The following FBN2 variants were observed in gnomAD, a reference collection of about 807,000 sequenced individuals.
FBN2 encodes fibrillin-2.
FBN2 carries 105 observed loss-of-function variants against 355.6 expected under a neutral mutation model. The ratio of observed to expected loss-of-function variants is 0.30; its 90% CI spans 0.25 to 0.35. FBN2 has a LOEUF of 0.35. FBN2 is among the 10% of genes least tolerant of loss of function. The pLI is 1.00. For synonymous variants in FBN2, 1,350 were observed against 1,301.2 expected, an observed-to-expected ratio of 1.04 and a Z score of -0.81; for missense variants, 3,280 against 3,758.7, an observed-to-expected ratio of 0.87 and a Z score of 3.33.
chr5:128,474,882 G>C (rs1754967327), intron 5 of FBN2, among the ~76,000 whole-genome samples: 1 of 152,228 alleles, frequency 6.6e-6, no homozygotes, highest in African/African-American at 2.4e-5. Flanking sequence ...GTCGTTACTT[G>C]AGAATTCTAG....
At chr5:128,459,792 C>A (rs2127077171) in intron 6 of FBN2, among the ~76,000 whole-genome samples, 1 of 152,156 alleles carries the variant, frequency 6.6e-6, no homozygotes, top group South Asian at 2.1e-4. Context: ...CTCAGTAAAC[C>A]AGGTATTGAT....
chr5:128,453,033 G>A (rs1754294438), intron 6 of FBN2, among the ~76,000 whole-genome samples: 2 of 152,070 alleles, frequency 1.3e-5, no homozygotes, highest in African/African-American at 4.8e-5. Flanking sequence ...CTAAATAATA[G>A]GTCTATTTCT....
chr5:128,496,794 A>C (rs1460168562), intron 5 of FBN2, among the ~76,000 whole-genome samples: 1 of 151,804 alleles, frequency 6.6e-6, no homozygotes, highest in African/African-American at 2.4e-5. Context: ...TTTAATATAT[A>C]ATACATGTAA....
chr5:128,444,281 C>A (rs1009425204), intron 7 of FBN2, among the ~76,000 whole-genome samples: 2 of 151,372 alleles, frequency 1.3e-5, no homozygotes, highest in African/African-American at 4.8e-5. Context: ...ACCTTGTTAG[C>A]CAGGATGGTC....
rs893879331 is a variant in FBN2 at position 128,274,101 on chromosome 5, C to G, written c.7712-133G>C. ...AAATGGCATTTTGGGAAAATTTATACCAAAATTCACTGTCATATTAAAGAC... is the reference window on the plus strand; with the variant it reads ...AAATGGCATTTTGGGAAAATTTATAGCAAAATTCACTGTCATATTAAAGAC... On this transcript the variant is annotated intron_variant, in intron 60 of 64. Coordinates refer to ENST00000262464, the MANE Select transcript of FBN2 (RefSeq NM_001999.4). The G allele has an allele frequency of 4.3e-6, 4 of 939,916 alleles. No homozygotes were observed. In the South Asian group the frequency reaches 5.6e-5, roughly 13 times the overall value. The allele number at this position is 939,916 out of a possible 1,614,324, so 58.2% of individuals were successfully genotyped here. A position where few individuals can be genotyped will look rare whatever the true frequency, so the allele number is the denominator to read the frequency against.
intron 33 of FBN2, among the ~76,000 whole-genome samples, chr5:128,329,778 G>A (rs1159891339): frequency 6.6e-6 from 1 of 152,172 alleles, no homozygotes; most frequent in Non-Finnish European, 1.5e-5. Flanking sequence ...AAAAATTTAG[G>A]CTATCCGTTA....
At position 128,315,249 on chromosome 5, in the gene FBN2, C is replaced by G. The variant is rs368179535; in HGVS notation, c.4718-2454G>C. 9.2e-5 allele frequency among the ~76,000 whole-genome samples: 14 copies of G among 152,170 alleles called. 1 individual carries two copies. The highest frequency in any genetic ancestry group is 4.2e-4 in the South Asian group (2 of 4,808). ...ACAACTTTATTAGCAATATTAATAA[C>G]AATTTAATGATAGCTAACTCAATTT... On this transcript the variant is annotated intron_variant, in intron 36 of 64. Coordinates refer to ENST00000262464, the MANE Select transcript of FBN2 (RefSeq NM_001999.4).
intron 7 of FBN2, among the ~76,000 whole-genome samples, chr5:128,431,706 C>A (rs1399990424): frequency 2.0e-5 from 3 of 152,140 alleles, no homozygotes; most frequent in Admixed American, 2.0e-4. Context: ...ACTACTCTAG[C>A]ACTTTGGGGC....
At chr5:128,281,663 A>C (rs1038797158) in intron 55 of FBN2, among the ~76,000 whole-genome samples, 1 of 152,074 alleles carries the variant, frequency 6.6e-6, no homozygotes, top group Non-Finnish European at 1.5e-5. Flanking sequence ...TAAAAAAATT[A>C]GTGTATGTAG....
intron 24 of FBN2, 68 bp downstream of exon 24, chr5:128,345,289 A>G (rs555464427): frequency 2.3e-6 from 3 of 1,306,020 alleles, no homozygotes; most frequent in Admixed American, 1.7e-5. Context: ...AGCAAAACCA[A>G]TTCTCAGAGA....
intron 11 of FBN2, among the ~76,000 whole-genome samples, chr5:128,390,757 A>C (rs1282028078): frequency 6.6e-6 from 1 of 152,188 alleles, no homozygotes; most frequent in Non-Finnish European, 1.5e-5. Flanking sequence ...AGTTATTCAG[A>C]GTTATTAATC....
intron 5 of FBN2, among the ~76,000 whole-genome samples, chr5:128,516,058 A>G (rs1756273110): frequency 6.6e-6 from 1 of 152,192 alleles, no homozygotes; most frequent in Non-Finnish European, 1.5e-5. Flanking sequence ...GACAGGCCAC[A>G]TTTGCGATCA....
intron 62 of FBN2, among the ~76,000 whole-genome samples, chr5:128,269,489 G>A (rs1765211059): frequency 6.6e-6 from 1 of 150,770 alleles, no homozygotes; most frequent in Non-Finnish European, 1.5e-5. Context: ...ACAAACCATT[G>A]TCTCAGCCCC....
At chr5:128,404,708 G>C (rs1285546004) in intron 8 of FBN2, among the ~76,000 whole-genome samples, 1 of 152,144 alleles carries the variant, frequency 6.6e-6, no homozygotes, top group Non-Finnish European at 1.5e-5. Flanking sequence ...CATAAGACAG[G>C]GCCTAACAAA....
At chr5:128,306,670 G>C (rs1015346072) in intron 42 of FBN2, among the ~76,000 whole-genome samples, 2 of 152,040 alleles carry the variant, frequency 1.3e-5, no homozygotes, top group Non-Finnish European at 2.9e-5. Flanking sequence ...AAGGAAGCTA[G>C]AGTGAGCAAC....
intron 18 of FBN2, among the ~76,000 whole-genome samples, chr5:128,363,695 C>T (rs1300566833): frequency 3.3e-5 from 5 of 152,132 alleles, no homozygotes; most frequent in Non-Finnish European, 7.3e-5. Context: ...AAGGGGAAAT[C>T]TGGATTTCAC....
intron 20 of FBN2, among the ~76,000 whole-genome samples, chr5:128,353,215 C>T (rs1468854259): frequency 6.6e-6 from 1 of 151,422 alleles, no homozygotes; most frequent in East Asian, 1.9e-4. Flanking sequence ...AACAAAAATA[C>T]CCCCCTGCCC....
intron 33 of FBN2, among the ~76,000 whole-genome samples, chr5:128,329,680 T>C (rs1046742023): frequency 6.6e-6 from 1 of 152,150 alleles, no homozygotes; most frequent in African/African-American, 2.4e-5. Context: ...AGGCTACAAG[T>C]TATGAAGCTT....
At chr5:128,394,634 C>T (rs1399002772) in intron 9 of FBN2, among the ~76,000 whole-genome samples, 1 of 152,138 alleles carries the variant, frequency 6.6e-6, no homozygotes, top group East Asian at 1.9e-4. Flanking sequence ...AGTCAAACAG[C>T]TTTCAGGTAT....
Sources: gnomAD v4.1 joint callset for allele counts (sites outside exome capture counted in the v4.1 genomes callset) on GRCh38, gnomAD v4.1.1 for gene constraint, MANE v1.5 for transcripts, NCBI Gene and HGNC (gene_info 2026-07-23, HGNC 2026-07-21) for gene names.